Variants in PIK3C2G observed in about 807,000 individuals in gnomAD.
PIK3C2G encodes the protein phosphatidylinositol 3-kinase C2 domain-containing subunit gamma.
In PIK3C2G, 168 loss-of-function variants were observed where a neutral mutation model predicts 181.1. The observed-to-expected ratio is 0.93, with a 90% CI of 0.82 to 1.05. The LOEUF is 1.05. PIK3C2G is among the 50% of genes least tolerant of loss of function. PIK3C2G has a pLI of 0.00. For synonymous variants in PIK3C2G, 573 were observed against 592.2 expected (o/e 0.97, Z 0.47); for missense variants, 1,869 against 1,732.8 (o/e 1.08, Z -1.40).
chr12:18,290,918 T>G lies in PIK3C2G; in HGVS notation c.825T>G (p.Thr275=), dbSNP rs145982481. ...ATTCTGGGAAGATCTGGAGCACTAC[T>G]ACAGCATTTCCGTATCAGCTCTTTT... ...NFNSGKIWST[T]TAFPYQLFSK... Residue 275 remains threonine (T), a synonymous_variant, in exon 4 of 33, where the codon ACT becomes ACG. Transcript: ENST00000538779. 132 of 1,593,322 alleles carry G rather than the reference T, an allele frequency of 8.3e-5. No individual in the cohort carries two copies. The African/African-American group carries it at 1.6e-3, about 19-fold the overall frequency.
chr12:18,255,723 T>C (rs188968999), intron 1 of PIK3C2G, among the ~76,000 whole-genome samples: 2 of 152,334 alleles, frequency 1.3e-5, no homozygotes, highest in African/African-American at 4.8e-5. Flanking sequence ...AGATGGCCTT[T>C]GGCTAGTTAG....
chr12:18,295,243 TA>T (rs1372675907), intron 5 of PIK3C2G, among the ~76,000 whole-genome samples: 1 of 151,874 alleles, frequency 6.6e-6, no homozygotes, highest in Non-Finnish European at 1.5e-5. Flanking sequence ...ACTCATTTAC[TA>T]GTCTGCTACC....
the PIK3C2G span, chr12:18,694,793 A>C: frequency 1.2e-6 from 1 of 849,624 alleles, no homozygotes. Context: ...AGTACCTGAA[A>C]AGATTAACAG....
At chr12:18,708,115 T>C in the PIK3C2G span, among the ~76,000 whole-genome samples, 2 of 152,328 alleles carry the variant, frequency 1.3e-5, no homozygotes, top group Non-Finnish European at 2.9e-5. Flanking sequence ...TCTAGACTTT[T>C]TCATCCTACA....
chr12:18,463,784 A>C (rs3983626), intron 18 of PIK3C2G, among the ~76,000 whole-genome samples: 1 of 152,270 alleles, frequency 6.6e-6, no homozygotes, highest in Admixed American at 6.5e-5. Flanking sequence ...GGCCAGAGAG[A>C]CTTGAAGAGC....
rs1206912757 is a variant in PIK3C2G, at chr12:18,546,555, T to C, written c.3590+123T>C. ...GAAGCTGTTGTTTCTAGAACAAGCT[T>C]GTGTTCCCTTTCCCAAAGAGCAGAA... On this transcript the variant is annotated intron_variant, in intron 26 of 32. Transcript: ENST00000538779. 3 of 632,840 alleles carry C rather than the reference T, an allele frequency of 4.7e-6. No individual in the cohort carries two copies. The African/African-American group carries it at 5.5e-5, about 12-fold the overall frequency. The allele number at this position is 632,840 out of a possible 1,614,324, so 39.2% of individuals were successfully genotyped here. A position where few individuals can be genotyped will look rare whatever the true frequency, so the allele number is the denominator to read the frequency against.
intron 8 of PIK3C2G, among the ~76,000 whole-genome samples, chr12:18,334,061 C>T (rs1015227913): frequency 2.0e-5 from 3 of 152,090 alleles, no homozygotes; most frequent in African/African-American, 7.2e-5. Context: ...GGGACACATC[C>T]AATATTTCCA....
intron 29 of PIK3C2G, among the ~76,000 whole-genome samples, chr12:18,585,657 A>T: frequency 6.6e-6 from 1 of 152,190 alleles, no homozygotes; most frequent in East Asian, 1.9e-4. Context: ...AAAATTAACA[A>T]AGATGTTGAG....
chr12:18,269,806 C>A (rs976000366), intron 1 of PIK3C2G, among the ~76,000 whole-genome samples: 27 of 150,962 alleles, frequency 1.8e-4, no homozygotes. Flanking sequence ...ATAAAATAGA[C>A]AAAAATTAAT....
At chr12:18,328,367 T>C (rs1252549786) in intron 8 of PIK3C2G, among the ~76,000 whole-genome samples, 2 of 151,916 alleles carry the variant, frequency 1.3e-5, no homozygotes, top group Non-Finnish European at 2.9e-5. Flanking sequence ...AAAATCTAAC[T>C]GTATTCATCT....
At position 18,292,227 on chromosome 12, in the gene PIK3C2G, A is replaced by AAAAAAAATATAT; in HGVS notation, c.919+1216_919+1217insAAAAAATATATA. Among the ~76,000 whole-genome samples the AAAAAAAATATAT allele has an allele frequency of 2.9e-3, 143 of 48,608 alleles. 4 individuals carry two copies. Among genetic ancestry groups the AAAAAAAATATAT allele is most frequent in the Non-Finnish European group, 3.8e-3 (112 of 29,856 alleles). The allele number at this position is 48,608 out of a possible 152,430, so 31.9% of individuals were successfully genotyped here. On this transcript the variant is annotated intron_variant, in intron 4 of 32. Transcript: ENST00000538779. ...CTCCATCTCAAAAAAAAAAAAAAAA[A>AAAAAAAATATAT]ATATATATATATATATATATATATA...
At chr12:18,606,687 TCA>T (rs1432350987) in intron 30 of PIK3C2G, among the ~76,000 whole-genome samples, 19 of 152,234 alleles carry the variant, frequency 1.2e-4, no homozygotes, top group Admixed American at 1.1e-3. Context: ...ACTACACTGC[TCA>T]GGTATAATTT....
chr12:18,595,627 T>C (rs182678473), intron 30 of PIK3C2G, among the ~76,000 whole-genome samples: 8 of 152,276 alleles, frequency 5.3e-5, no homozygotes, highest in Admixed American at 3.9e-4. Context: ...ATCATCTCTC[T>C]TCTCTAGTTA....
intron 1 of PIK3C2G, among the ~76,000 whole-genome samples, chr12:18,250,488 G>A (rs1430375081): frequency 1.3e-5 from 2 of 152,028 alleles, no homozygotes; most frequent in African/African-American, 4.8e-5. Flanking sequence ...ATTTAGAGAA[G>A]CATTTCATTT....
intron 31 of PIK3C2G, among the ~76,000 whole-genome samples, chr12:18,620,751 T>C (rs1190847935): frequency 6.6e-6 from 1 of 152,106 alleles, no homozygotes; most frequent in African/African-American, 2.4e-5. Flanking sequence ...CAATCTATCT[T>C]CAATCTATCC....
chr12:18,381,932 C>G, intron 14 of PIK3C2G, 52 bp downstream of exon 14: 18 of 1,068,106 alleles, frequency 1.7e-5, no homozygotes, highest in South Asian at 1.5e-4. Context: ...TTGGTTGATA[C>G]GTAGTTTGTT....
chr12:18,248,952 C>A (rs918109770), intron 1 of PIK3C2G, among the ~76,000 whole-genome samples: 9 of 151,900 alleles, frequency 5.9e-5, no homozygotes, highest in Non-Finnish European at 1.2e-4. Context: ...CTGTAAGGTG[C>A]TTTTTTTTGT....
chr12:18,299,400 C>G (rs189638036), intron 5 of PIK3C2G, among the ~76,000 whole-genome samples: 190 of 151,916 alleles, frequency 1.3e-3, no homozygotes, highest in African/African-American at 4.4e-3. Flanking sequence ...TGATATCTTG[C>G]AACTTTATTT....
intron 18 of PIK3C2G, among the ~76,000 whole-genome samples, chr12:18,480,815 T>C (rs1419133466): frequency 1.3e-5 from 2 of 152,246 alleles, no homozygotes; most frequent in Non-Finnish European, 1.5e-5. Context: ...CTGGGCACAC[T>C]GCCTATGGGT....
Sources: gnomAD v4.1 joint callset for allele counts (sites outside exome capture counted in the v4.1 genomes callset) on GRCh38, gnomAD v4.1.1 for gene constraint, MANE v1.5 for transcripts, NCBI Gene and HGNC (gene_info 2026-07-23, HGNC 2026-07-21) for gene names.